Variants in CPLX2 observed in about 807,000 individuals in gnomAD.
The protein encoded by CPLX2 is complexin-2.
CPLX2 carries 5 observed loss-of-function variants against 16.3 expected under a neutral mutation model. The ratio of observed to expected loss-of-function variants is 0.31; its 90% CI spans 0.16 to 0.64. The LOEUF (loss-of-function observed/expected upper bound fraction) is 0.64, where lower values mean the gene tolerates loss of function less well. Among genes scored for constraint, CPLX2 ranks in the 30% least tolerant of loss-of-function variants. The pLI is 0.79. For synonymous variants in CPLX2, 89 were observed against 73.2 expected, an observed-to-expected ratio of 1.22 and a Z score of -1.10; for missense variants, 144 against 181.4, an observed-to-expected ratio of 0.79 and a Z score of 1.18.
intron 1 of CPLX2, among the ~76,000 whole-genome samples, chr5:175,875,967 T>A (rs958495384): frequency 2.0e-5 from 3 of 152,000 alleles, no homozygotes; most frequent in African/African-American, 7.2e-5. Context: ...GTCTGATGAA[T>A]GCATGCTGGC....
At chr5:175,863,937 TTC>T (rs1759416703) in intron 2 of CPLX2, among the ~76,000 whole-genome samples, 1 of 152,252 alleles carries the variant, frequency 6.6e-6, no homozygotes, top group South Asian at 2.1e-4. Flanking sequence ...TTAAATTCTT[TTC>T]TTTCTCATTC....
At chr5:175,850,687 C>T (rs1303193852) in intron 2 of CPLX2, among the ~76,000 whole-genome samples, 1 of 152,194 alleles carries the variant, frequency 6.6e-6, no homozygotes, top group Non-Finnish European at 1.5e-5. Context: ...GCAATCCCCA[C>T]TCATTTGACC....
chr5:175,799,569 T>TATATATATATATATATATAG (rs1758054108), intron 1 of CPLX2, among the ~76,000 whole-genome samples: 1 of 143,750 alleles, frequency 7.0e-6, no homozygotes, highest in Non-Finnish European at 1.5e-5. Flanking sequence ...TATATATATA[T>TATATATATATATATATATAG]ATATATAGTA....
chr5:175,840,019 ATATAG>A (rs1758917886), intron 2 of CPLX2, among the ~76,000 whole-genome samples: 1 of 152,260 alleles, frequency 6.6e-6, no homozygotes, highest in South Asian at 2.1e-4. Context: ...AAATGTAAAC[ATATAG>A]TATATTATAG....
intron 2 of CPLX2, among the ~76,000 whole-genome samples, chr5:175,851,135 G>A (rs1337438187): frequency 2.6e-5 from 4 of 152,064 alleles, no homozygotes; most frequent in East Asian, 1.9e-4. Context: ...CTGTGGACAG[G>A]TGGCTGTACC....
chr5:175,820,812 G>GAT (rs1413704831), intron 2 of CPLX2, among the ~76,000 whole-genome samples: 2 of 152,208 alleles, frequency 1.3e-5, no homozygotes, highest in African/African-American at 4.8e-5. Context: ...TGCATTGAGA[G>GAT]AAACAGACAA....
At chr5:175,870,998 G>A (rs913958319), upstream of CPLX2, among the ~76,000 whole-genome samples, 1 of 152,148 alleles carries the variant, frequency 6.6e-6, no homozygotes, top group Non-Finnish European at 1.5e-5. Flanking sequence ...TCCTGGAGCT[G>A]CTCACAGGCA....
At chr5:175,857,803 C>G (rs1349363056) in intron 2 of CPLX2, among the ~76,000 whole-genome samples, 1 of 152,230 alleles carries the variant, frequency 6.6e-6, no homozygotes, top group Non-Finnish European at 1.5e-5. Flanking sequence ...CCCCATTAGG[C>G]AGGGCCCTCC....
intron 2 of CPLX2, among the ~76,000 whole-genome samples, chr5:175,818,656 T>C (rs1362870401): frequency 1.7e-5 from 2 of 114,680 alleles, no homozygotes; most frequent in African/African-American, 3.4e-5. Context: ...CAACCTTTTT[T>C]TTTTTTTTTT....
Position 175,833,997 on chromosome 5 carries a change from C to T in CPLX2, c.-89+24929C>T, listed in dbSNP as rs75200582. On this transcript the variant is annotated intron_variant, in intron 2 of 4. Coordinates refer to the CPLX2 transcript ENST00000359546. ...GCTCAGCGTTCCTCCCTGAAACATC[C>T]TCTCTGGCTGCTGTTTTAGCGCAAG... 4.0e-3 allele frequency among the ~76,000 whole-genome samples: 610 copies of T among 152,340 alleles called. 4 individuals are homozygous for T. Among genetic ancestry groups the T allele is most frequent in the Middle Eastern group, 0.02 (6 of 294 alleles).
At chr5:175,859,035 G>A (rs1426949108) in intron 2 of CPLX2, among the ~76,000 whole-genome samples, 1 of 152,240 alleles carries the variant, frequency 6.6e-6, no homozygotes, top group Non-Finnish European at 1.5e-5. Flanking sequence ...GAGCCTCCAT[G>A]AGCCTCACCA....
intron 1 of CPLX2, among the ~76,000 whole-genome samples, chr5:175,801,499 G>A (rs939732895): frequency 2.6e-5 from 4 of 152,216 alleles, no homozygotes; most frequent in Non-Finnish European, 5.9e-5. Flanking sequence ...GCAGCGTGTG[G>A]TAGCTGTGGA....
intron 1 of CPLX2, among the ~76,000 whole-genome samples, chr5:175,798,837 C>T (rs899309376): frequency 2.1e-4 from 32 of 152,204 alleles, no homozygotes; most frequent in African/African-American, 7.0e-4. Context: ...TCATCACATG[C>T]GCACACACTC....
At chr5:175,870,122 C>T (rs1013653991), upstream of CPLX2, among the ~76,000 whole-genome samples, 51 of 152,176 alleles carry the variant, frequency 3.4e-4, 2 homozygotes, top group Non-Finnish European at 1.5e-5. Context: ...TTAGTATCTG[C>T]CCTAGGAAAG....
rs1364534517 is a variant in CPLX2, at chr5:175,872,743, C to G, written c.-89+1038C>G. The G allele has an allele frequency of 2.0e-5, 3 of 152,308 alleles. No individual in the cohort carries two copies. Among genetic ancestry groups the G allele is most frequent in the African/African-American group, 7.2e-5 (3 of 41,448 alleles). The allele number at this position is 152,308 out of a possible 1,614,324, so 9.4% of individuals were successfully genotyped here. ...GGAGTGACATCCCCTGTCTCTGCCA[C>G]TGCCTTTGGCGTAGTCCCCTGCCAG... On this transcript the variant is annotated intron_variant, in intron 1 of 3. Coordinates refer to ENST00000393745, the MANE Select transcript of CPLX2 (RefSeq NM_001008220.2). The surrounding 1 kb of genome is among the most constrained non-coding windows in gnomAD (Gnocchi z 5.0).
intron 2 of CPLX2, among the ~76,000 whole-genome samples, chr5:175,861,433 G>A (rs914385818): frequency 2.6e-5 from 4 of 152,210 alleles, no homozygotes; most frequent in Non-Finnish European, 5.9e-5. Context: ...CAGATCAAGA[G>A]GGGCCCTAGT....
At chr5:175,805,630 A>C (rs1290794617) in intron 1 of CPLX2, 1 of 152,342 alleles carries the variant, frequency 6.6e-6, no homozygotes, top group Admixed American at 6.5e-5. Flanking sequence ...GGGTGGGTCT[A>C]GTGGTCAGGG....
chr5:175,874,423 C>A (rs549351648), intron 1 of CPLX2, among the ~76,000 whole-genome samples: 5 of 152,298 alleles, frequency 3.3e-5, no homozygotes, highest in African/African-American at 4.8e-5. Flanking sequence ...GCTGTGAGAC[C>A]ACTGCTGGGA....
At chr5:175,801,761 G>T (rs1006419948) in intron 1 of CPLX2, among the ~76,000 whole-genome samples, 1 of 152,196 alleles carries the variant, frequency 6.6e-6, no homozygotes, top group Non-Finnish European at 1.5e-5. Context: ...AAATAAAAAC[G>T]GAGCAAAATG....
Sources: gnomAD v4.1 joint callset for allele counts (sites outside exome capture counted in the v4.1 genomes callset) on GRCh38, gnomAD v4.1.1 for gene constraint, Gnocchi (gnomAD v3.1) non-coding constraint, MANE v1.5 for transcripts, NCBI Gene and HGNC (gene_info 2026-07-23, HGNC 2026-07-21) for gene names.